The following DTL variants were observed in gnomAD, a reference collection of about 807,000 sequenced individuals.
DTL encodes the protein denticleless protein homolog.
A neutral mutation model predicts 87.0 loss-of-function variants in DTL; 46 were observed. The ratio of observed to expected loss-of-function variants is 0.53; its 90% confidence interval spans 0.42 to 0.68. DTL has a LOEUF of 0.68. DTL is among the 30% of genes least tolerant of loss of function. The probability of loss-of-function intolerance (pLI) is 0.00; values close to 1 mark genes in which losing one functional copy is unlikely to be tolerated. For synonymous variants in DTL, 308 were observed against 311.2 expected (o/e 0.99, Z 0.11); for missense variants, 737 against 869.4 (o/e 0.85, Z 1.91).
chr1:212,036,249 GTA>G (rs542728620), intron 1 of DTL, among the ~76,000 whole-genome samples: 208 of 152,252 alleles, frequency 1.4e-3, no homozygotes, highest in African/African-American at 4.8e-3. Flanking sequence ...GCATTTGTGT[GTA>G]TATGTTTCCT....
intron 7 of DTL, 42 bp downstream of exon 7, chr1:212,065,071 G>C (rs373660724): frequency 3.8e-5 from 53 of 1,394,782 alleles, no homozygotes; most frequent in African/African-American, 5.7e-5. Flanking sequence ...GATCTTATCT[G>C]TAGGATAGAA....
At chr1:212,048,841 A>G (rs1406070385) in intron 5 of DTL, among the ~76,000 whole-genome samples, 2 of 152,028 alleles carry the variant, frequency 1.3e-5, no homozygotes, top group African/African-American at 4.8e-5. Context: ...TGTTTTAAAA[A>G]TCAAATGTTT....
intron 13 of DTL, among the ~76,000 whole-genome samples, chr1:212,096,640 A>C (rs930467017): frequency 4.6e-5 from 7 of 152,212 alleles, no homozygotes; most frequent in African/African-American, 1.7e-4. Flanking sequence ...TATTGACCCA[A>C]AGATCATTCA....
chr1:212,100,336 C>T lies in DTL; in HGVS notation c.1346C>T (p.Ala449Val), dbSNP rs753056446. 4.3e-6 allele frequency: 7 copies of T among 1,613,624 alleles called. No homozygotes were observed. In the East Asian group the frequency reaches 1.6e-4, roughly 36 times the overall value. Residue 449 changes from alanine (A) to valine (V), a missense_variant, in exon 14 of 15, where the codon GCT becomes GTT. Ala to Val is a moderately conservative substitution (Grantham distance 64). Transcript: ENST00000366991. ...TCCAATTCTTCCCCGTCATCCGCAG[C>T]TTGTGCCCCAAGCTGTGCTGGAGAC... ...NPSNSSPSSA[A>V]CAPSCAGDLP...
At chr1:212,059,576 A>G (rs1000151205) in intron 5 of DTL, among the ~76,000 whole-genome samples, 2 of 152,144 alleles carry the variant, frequency 1.3e-5, no homozygotes, top group African/African-American at 4.8e-5. Flanking sequence ...ACTGAATCGA[A>G]AAAAGCTGGA....
intron 1 of DTL, among the ~76,000 whole-genome samples, chr1:212,039,108 C>CA (rs1159348495): frequency 2.0e-5 from 3 of 152,086 alleles, no homozygotes; most frequent in African/African-American, 7.2e-5. Context: ...CCTTCTGTGT[C>CA]AAAAAATGTG....
rs1246596884 is a variant in DTL, at chr1:212,104,995, A to G, written c.*2055A>G. 1 of 152,212 alleles carries G rather than the reference A, an allele frequency of 6.6e-6. No homozygotes were observed. Among genetic ancestry groups the G allele is most frequent in the South Asian group, 2.1e-4 (1 of 4,836 alleles). 9.4% of individuals were successfully genotyped at this position (152,212 alleles called of 1,614,324 possible). On this transcript the variant is annotated 3_prime_UTR_variant, in exon 15 of 15. Transcript: ENST00000366991. Reference sequence around the variant, plus strand: ...AAGCTGAAAGAGCTTTTAATAAAAAACATCTTGCTTGGATCAGACTTTGAG... The same window carrying G: ...AAGCTGAAAGAGCTTTTAATAAAAAGCATCTTGCTTGGATCAGACTTTGAG...
chr1:212,095,950 GTTC>G (rs1219633847), intron 13 of DTL, among the ~76,000 whole-genome samples: 5 of 152,166 alleles, frequency 3.3e-5, no homozygotes, highest in African/African-American at 4.8e-5. Flanking sequence ...ATTGGTACCA[GTTC>G]TTCTTTGAAT....
At chr1:212,069,377 T>C (rs141753745) in intron 10 of DTL, among the ~76,000 whole-genome samples, 303 of 152,214 alleles carry the variant, frequency 2.0e-3, no homozygotes, top group African/African-American at 6.6e-3. Context: ...AGCAACATCT[T>C]AGTAGCCTGG....
intron 5 of DTL, among the ~76,000 whole-genome samples, chr1:212,056,743 A>G (rs1182099967): frequency 6.6e-6 from 1 of 152,156 alleles, no homozygotes; most frequent in African/African-American, 2.4e-5. Context: ...CAATACAAAG[A>G]AACAGAAAAA....
chr1:212,071,985 A>G, intron 10 of DTL, 116 bp from the exon 11 acceptor site: 2 of 699,974 alleles, frequency 2.9e-6, no homozygotes, highest in Non-Finnish European at 2.5e-6. Flanking sequence ...AAGCTAGATC[A>G]TCTGCTTCAA....
intron 13 of DTL, among the ~76,000 whole-genome samples, chr1:212,088,651 A>G (rs1655196425): frequency 6.6e-6 from 1 of 152,244 alleles, no homozygotes; most frequent in Admixed American, 6.5e-5. Flanking sequence ...CTGACTTGGC[A>G]AGAAAACCAC....
At chr1:212,071,386 G>A (rs1477775855) in intron 10 of DTL, among the ~76,000 whole-genome samples, 2 of 152,190 alleles carry the variant, frequency 1.3e-5, no homozygotes, top group African/African-American at 4.8e-5. Flanking sequence ...AACCTGTTAA[G>A]AACATATGCT....
At chr1:212,064,162 C>T (rs987455595) in intron 6 of DTL, among the ~76,000 whole-genome samples, 4 of 151,962 alleles carry the variant, frequency 2.6e-5, no homozygotes, top group Admixed American at 2.6e-4. Flanking sequence ...ATTCTTCTAG[C>T]TATTTTGAAA....
intron 14 of DTL, among the ~76,000 whole-genome samples, chr1:212,101,978 TGTG>T (rs920588050): frequency 6.6e-6 from 1 of 152,198 alleles, no homozygotes; most frequent in African/African-American, 2.4e-5. Flanking sequence ...CAGTAGCTCT[TGTG>T]GTGGCGGGAT....
At chr1:212,096,941 T>G (rs140564948) in intron 13 of DTL, among the ~76,000 whole-genome samples, 36 of 152,338 alleles carry the variant, frequency 2.4e-4, no homozygotes, top group African/African-American at 8.4e-4. Context: ...CTTACTGTAT[T>G]GAAGTCCCCC....
intron 1 of DTL, among the ~76,000 whole-genome samples, chr1:212,037,439 A>G (rs80254894): frequency 0.059 from 8,960 of 152,186 alleles, 293 homozygotes; most frequent in Non-Finnish European, 0.074. Flanking sequence ...TTCCACTTCT[A>G]CATACATACA....
chr1:212,095,848 T>G (rs1655430593), intron 13 of DTL, among the ~76,000 whole-genome samples: 1 of 152,184 alleles, frequency 6.6e-6, no homozygotes. Context: ...TTTTGTCATG[T>G]CCTTTCCTGG....
chr1:212,086,679 C>T lies in DTL; in HGVS notation c.1261+5929C>T, dbSNP rs115817646. ...CTGGGATTACAGGCATGAGCCACTGCACCCAGCCTTAAGTACTTTCTATGT... is the reference window on the plus strand; with the variant it reads ...CTGGGATTACAGGCATGAGCCACTGTACCCAGCCTTAAGTACTTTCTATGT... On this transcript the variant is annotated intron_variant, in intron 13 of 14. Coordinates refer to ENST00000366991, the MANE Select transcript of DTL (RefSeq NM_016448.4). Among the ~76,000 whole-genome samples, 822 of 152,336 alleles carry T rather than the reference C, an allele frequency of 5.4e-3. 4 individuals are homozygous for T. The highest frequency in any genetic ancestry group is 0.019 in the African/African-American group (779 of 41,584).
Sources: gnomAD v4.1 joint callset for allele counts (sites outside exome capture counted in the v4.1 genomes callset) on GRCh38, gnomAD v4.1.1 for gene constraint, MANE v1.5 for transcripts, NCBI Gene and HGNC (gene_info 2026-07-23, HGNC 2026-07-21) for gene names.